The following SLC30A8 variants were observed in gnomAD, a reference collection of about 807,000 sequenced individuals.
The protein encoded by SLC30A8 is solute carrier family 30 member 8.
Under a neutral mutation model 36.9 loss-of-function variants are expected in SLC30A8, and 27 were observed. The observed-to-expected ratio is 0.73, with a 90% CI of 0.54 to 1.01. SLC30A8 has a LOEUF of 1.01. Among genes scored for constraint, SLC30A8 ranks in the 50% least tolerant of loss-of-function variants. The pLI is 0.00. For missense variants in SLC30A8, 439 were observed against 452.0 expected (o/e 0.97, Z 0.26); for synonymous variants, 164 against 172.4 (o/e 0.95, Z 0.38).
intron 4 of SLC30A8, among the ~76,000 whole-genome samples, chr8:117,160,446 T>TGTGTGTGTGTGTGTGC (rs150458118): frequency 1.9e-4 from 28 of 144,612 alleles, no homozygotes; most frequent in Middle Eastern, 3.6e-3. Flanking sequence ...CGCGCACATG[T>TGTGTGTGTGTGTGTGC]GCGCGCGGTG....
chr8:117,031,526 T>C (rs538462147), intron 1 of SLC30A8, among the ~76,000 whole-genome samples: 135 of 151,938 alleles, frequency 8.9e-4, no homozygotes, highest in African/African-American at 3.1e-3. Flanking sequence ...ATTGGCGCCA[T>C]CTCGGCTCAT....
chr8:117,152,121 A>G (rs1027078782), intron 2 of SLC30A8, among the ~76,000 whole-genome samples: 8 of 152,222 alleles, frequency 5.3e-5, no homozygotes, highest in African/African-American at 1.9e-4. Context: ...AGCTGTAGGG[A>G]GAACTAATCA....
intron 1 of SLC30A8, among the ~76,000 whole-genome samples, chr8:117,019,336 G>A (rs969318929): frequency 1.3e-5 from 2 of 152,184 alleles, no homozygotes; most frequent in African/African-American, 4.8e-5. Flanking sequence ...TTTACTCCTC[G>A]TGATCATTCT....
intron 2 of SLC30A8, among the ~76,000 whole-genome samples, chr8:117,064,531 A>T (rs181355616): frequency 6.6e-6 from 1 of 152,330 alleles, no homozygotes; most frequent in East Asian, 1.9e-4. Flanking sequence ...CTCAGAGTAG[A>T]CACAACACCA....
intron 6 of SLC30A8, among the ~76,000 whole-genome samples, chr8:117,168,124 A>G (rs1370976043): frequency 6.6e-6 from 1 of 152,062 alleles, no homozygotes; most frequent in Non-Finnish European, 1.5e-5. Flanking sequence ...CCCACCCTTG[A>G]CACGTGGGGA....
At chr8:117,160,641 G>A (rs950518218) in intron 4 of SLC30A8, among the ~76,000 whole-genome samples, 2 of 152,096 alleles carry the variant, frequency 1.3e-5, no homozygotes, top group African/African-American at 4.8e-5. Context: ...GAATGACAAC[G>A]TGATGAACAC....
chr8:117,149,781 C>T lies in SLC30A8; in HGVS notation c.271+2628C>T, dbSNP rs1478330174. 2.6e-5 allele frequency among the ~76,000 whole-genome samples: 4 copies of T among 152,198 alleles called. No homozygotes were observed. In the East Asian group the frequency reaches 7.7e-4, roughly 29 times the overall value. ...CTGTATGATGATCATCTACCTTACA[C>T]ATATTTATTTTACAATCGTTTGTTT... On this transcript the variant is annotated intron_variant, in intron 2 of 7. Transcript: ENST00000456015.
intron 1 of SLC30A8, among the ~76,000 whole-genome samples, chr8:117,137,818 A>G (rs1821431087): frequency 6.6e-6 from 1 of 151,902 alleles, no homozygotes; most frequent in Admixed American, 6.6e-5. Context: ...TTTTATCACA[A>G]TTTATGGGTT....
intron 2 of SLC30A8, among the ~76,000 whole-genome samples, chr8:117,085,096 A>C (rs1586485114): frequency 6.6e-6 from 1 of 152,142 alleles, no homozygotes. Context: ...GGCTTTGGCT[A>C]CAAAATCTTC....
intron 2 of SLC30A8, among the ~76,000 whole-genome samples, chr8:117,150,145 A>G (rs1563628087): frequency 6.6e-6 from 1 of 152,234 alleles, no homozygotes; most frequent in Admixed American, 6.5e-5. Flanking sequence ...GTGTTGTTGT[A>G]CTTGTTAAGT....
intron 1 of SLC30A8, among the ~76,000 whole-genome samples, chr8:117,015,173 A>G (rs375497047): frequency 7.2e-5 from 11 of 152,236 alleles, no homozygotes; most frequent in East Asian, 3.9e-4. Context: ...TCTATCAACC[A>G]TAAAACTTCT....
At chr8:117,061,914 C>T (rs970341710) in intron 2 of SLC30A8, among the ~76,000 whole-genome samples, 1 of 152,188 alleles carries the variant, frequency 6.6e-6, no homozygotes, top group Non-Finnish European at 1.5e-5. Context: ...GAAAGAACAG[C>T]TGAATATCAC....
At chr8:117,168,770 G>GTT (rs533147238) in intron 6 of SLC30A8, among the ~76,000 whole-genome samples, 248 of 152,238 alleles carry the variant, frequency 1.6e-3, no homozygotes, top group Non-Finnish European at 2.8e-3. Flanking sequence ...AACAGACAGT[G>GTT]TTTTGATTGC....
intron 5 of SLC30A8, 56 bp downstream of exon 5, chr8:117,161,944 GCTGACCCTCCAA>G: frequency 6.8e-7 from 1 of 1,470,194 alleles, no homozygotes. Context: ...TAGTACAGAA[GCTGACCCTCCAA>G]CATTAACTTA....
chr8:117,139,211 T>C (rs559142134), intron 1 of SLC30A8, among the ~76,000 whole-genome samples: 2 of 152,088 alleles, frequency 1.3e-5, no homozygotes, highest in Non-Finnish European at 2.9e-5. Context: ...CAATTATATG[T>C]TGAAGCACAA....
At chr8:117,085,226 T>C (rs1055496921) in intron 2 of SLC30A8, among the ~76,000 whole-genome samples, 1 of 152,156 alleles carries the variant, frequency 6.6e-6, no homozygotes, top group Non-Finnish European at 1.5e-5. Context: ...ATGACAACTC[T>C]GTTTTTAAGG....
chr8:117,105,044 T>A (rs1819921947), intron 2 of SLC30A8, among the ~76,000 whole-genome samples: 1 of 152,146 alleles, frequency 6.6e-6, no homozygotes, highest in South Asian at 2.1e-4. Context: ...ATCTTGGTTT[T>A]GGTGGGTTTT....
In SLC30A8 at chr8:117,174,880, A is replaced by G. The variant is rs1197151635; in HGVS notation, c.*2199A>G. On this transcript the variant is annotated 3_prime_UTR_variant, in exon 8 of 8. Transcript: ENST00000456015. ...GAACAGTAGATGTTTATATGGCAAA[A>G]TGCAAGACAATCTACAAGGGAGATT... 6.6e-6 allele frequency: 1 copy of G among 152,330 alleles called. No individual in the cohort carries two copies. Among genetic ancestry groups the G allele is most frequent in the Non-Finnish European group, 1.5e-5 (1 of 67,986 alleles). 9.4% of individuals were successfully genotyped at this position (152,330 alleles called of 1,614,324 possible). A position where few individuals can be genotyped will look rare whatever the true frequency, so the allele number is the denominator to read the frequency against.
chr8:117,102,910 C>T (rs1819790266), intron 2 of SLC30A8, among the ~76,000 whole-genome samples: 1 of 152,110 alleles, frequency 6.6e-6, no homozygotes, highest in South Asian at 2.1e-4. Context: ...TGGGGAGACA[C>T]CACTCAACTC....
Sources: allele counts gnomAD v4.1 joint callset (sites outside exome capture counted in the v4.1 genomes callset), GRCh38; gene constraint gnomAD v4.1.1; transcripts MANE v1.5; gene names NCBI Gene and HGNC (gene_info 2026-07-23, HGNC 2026-07-21).